The following MYCBP2 variants were observed in gnomAD, a reference collection of about 807,000 sequenced individuals.
MYCBP2 encodes the protein E3 ubiquitin-protein ligase MYCBP2.
Under a neutral mutation model 525.3 loss-of-function variants are expected in MYCBP2, and 120 were observed. The ratio of observed to expected loss-of-function variants is 0.23; its 90% CI spans 0.20 to 0.27. MYCBP2 has a LOEUF of 0.27. MYCBP2 is among the 10% of genes least tolerant of loss of function. The probability of loss-of-function intolerance (pLI) is 1.00; values close to 1 mark genes in which losing one functional copy is unlikely to be tolerated. For missense variants in MYCBP2, 4,149 were observed against 5,657.1 expected (o/e 0.73, Z 8.55); for synonymous variants, 1,894 against 1,955.8 (o/e 0.97, Z 0.83).
At chr13:77,051,456 T>G (rs2036797043) in intron 81 of MYCBP2, among the ~76,000 whole-genome samples, 1 of 152,190 alleles carries the variant, frequency 6.6e-6, no homozygotes. Context: ...CTGGTCAAAC[T>G]GAAAATTAAT....
chr13:77,147,947 T>G (rs984713385), intron 47 of MYCBP2, among the ~76,000 whole-genome samples: 1 of 152,126 alleles, frequency 6.6e-6, no homozygotes, highest in African/African-American at 2.4e-5. Context: ...GCTCTAAACC[T>G]AGGCTACTCA....
At chr13:77,124,300 T>C (rs2051274883) in intron 54 of MYCBP2, among the ~76,000 whole-genome samples, 1 of 152,152 alleles carries the variant, frequency 6.6e-6, no homozygotes, top group South Asian at 2.1e-4. Flanking sequence ...GGGAGATATC[T>C]CCAAAGATAC....
At chr13:77,051,984 T>C (rs2036911649) in intron 80 of MYCBP2, 66 bp from the exon 81 acceptor site, 6 of 1,197,230 alleles carry the variant, frequency 5.0e-6, no homozygotes, top group African/African-American at 1.5e-5. Flanking sequence ...AGATACAGTA[T>C]GGGCATAGTG....
intron 26 of MYCBP2, among the ~76,000 whole-genome samples, chr13:77,197,700 T>C (rs186269886): frequency 9.3e-5 from 14 of 150,716 alleles, no homozygotes; most frequent in African/African-American, 2.7e-4. Context: ...TACAAAGAGA[T>C]AGAAGAAAAA....
intron 8 of MYCBP2, among the ~76,000 whole-genome samples, chr13:77,264,622 A>G (rs2073817271): frequency 6.6e-6 from 1 of 152,180 alleles, no homozygotes; most frequent in Non-Finnish European, 1.5e-5. Context: ...CAAAGCAGTC[A>G]TGTATCTTGG....
At chr13:77,169,395 CAA>C (rs371575329) in intron 39 of MYCBP2, among the ~76,000 whole-genome samples, 2 of 33,786 alleles carry the variant, frequency 5.9e-5, no homozygotes, top group Admixed American at 2.7e-4. Flanking sequence ...GACTCCGTCT[CAA>C]AAAAAAAAAA....
chr13:77,221,635 C>T lies in MYCBP2; in HGVS notation c.2939+2816G>A, dbSNP rs148809166. On this transcript the variant is annotated intron_variant, in intron 20 of 82. Coordinates refer to ENST00000544440, the MANE Select transcript of MYCBP2 (RefSeq NM_015057.5). ...ATGACTGAGACCCCATCTTATCTAA[C>T]TGCAATGCACCTTTCCCAGTTTCTA... 1.0e-3 allele frequency among the ~76,000 whole-genome samples: 156 copies of T among 152,282 alleles called. 1 individual carries two copies. The highest frequency in any genetic ancestry group is 3.4e-3 in the Middle Eastern group (1 of 294).
At chr13:77,171,969 C>T (rs182415560) in intron 37 of MYCBP2, among the ~76,000 whole-genome samples, 5 of 152,234 alleles carry the variant, frequency 3.3e-5, no homozygotes, top group East Asian at 1.9e-4. Flanking sequence ...GGCATGATCT[C>T]GGCTCACTGC....
At chr13:77,060,807 ATT>A (rs2039149617) in intron 76 of MYCBP2, among the ~76,000 whole-genome samples, 1 of 152,152 alleles carries the variant, frequency 6.6e-6, no homozygotes, top group Non-Finnish European at 1.5e-5. Flanking sequence ...TAGTGCAGCA[ATT>A]TTTATTGTGG....
At chr13:77,166,650 T>A in intron 40 of MYCBP2, 96 bp from the exon 41 acceptor site, 1 of 718,180 alleles carries the variant, frequency 1.4e-6, no homozygotes, top group Non-Finnish European at 2.2e-6. Context: ...ATGCTTTTAT[T>A]AAATGACACA....
rs775140897 is a variant in MYCBP2 at position 77,126,375 on chromosome 13, A to C, written c.7827T>G (p.Leu2609=). ...CTAACATTCCAATTGGGATACCTCT[A>C]AGGTTAGGGCAGCTTCTGATGTTGT... The part of the protein sequence containing the change: ...SGHNIRSCPN[L]RGIPIGMLVL... The change falls in exon 53 of 83, where the codon CTT becomes CTG. Residue 2609 remains leucine, a synonymous_variant. Transcript: ENST00000544440. 6.2e-7 allele frequency: 1 copy of C among 1,613,918 alleles called. No homozygotes were observed. Among genetic ancestry groups the C allele is most frequent in the Non-Finnish European group, 8.5e-7 (1 of 1,179,832 alleles).
At chr13:77,271,586 T>C (rs558863858) in intron 5 of MYCBP2, among the ~76,000 whole-genome samples, 14 of 152,160 alleles carry the variant, frequency 9.2e-5, no homozygotes, top group Non-Finnish European at 5.9e-5. Flanking sequence ...GGCAAGTCTT[T>C]CCTGTGCTGT....
Position 77,326,384 on chromosome 13 carries a change from C to T in MYCBP2, c.302+90G>A. 2.3e-6 allele frequency: 3 copies of T among 1,307,312 alleles called. No individual in the cohort carries two copies. Among genetic ancestry groups the T allele is most frequent in the Non-Finnish European group, 3.1e-6 (3 of 977,672 alleles). 81.0% of individuals were successfully genotyped at this position (1,307,312 alleles called of 1,614,324 possible). ...CTCAATAAATGCGCAGGTACACACA[C>T]GCAAGCACACACACACGCGGGTGCA... On this transcript the variant is annotated intron_variant, in intron 1 of 82. Coordinates refer to ENST00000544440, the MANE Select transcript of MYCBP2 (RefSeq NM_015057.5). This position sits in a 1 kb window ranked among gnomAD's most constrained non-coding sequence, Gnocchi z 4.2.
intron 55 of MYCBP2, among the ~76,000 whole-genome samples, chr13:77,102,233 GA>G (rs1317044443): frequency 6.6e-6 from 1 of 151,504 alleles, no homozygotes; most frequent in Non-Finnish European, 1.5e-5. Flanking sequence ...CAGGTTACAT[GA>G]TACTATATGC....
chr13:77,104,177 T>G (rs900456826), intron 55 of MYCBP2, among the ~76,000 whole-genome samples: 2 of 152,004 alleles, frequency 1.3e-5, no homozygotes, highest in Admixed American at 1.3e-4. Context: ...ATTCAGGTAG[T>G]AAGGAGATAG....
chr13:77,225,511 T>G lies in MYCBP2; in HGVS notation c.2781A>C (p.Thr927=), dbSNP rs138802594. Residue 927 remains threonine (T), a synonymous_variant, in exon 19 of 83, where the codon ACA becomes ACC. Coordinates refer to ENST00000544440, the MANE Select transcript of MYCBP2 (RefSeq NM_015057.5). The part of the protein sequence containing the change: ...ERGEKDASKI[T]TYPPGSVRFD... ...ATCGCACAGAGCCTGGAGGGTATGT[T>G]GTGATTTTGCTTGCATCCTTTTCGC... is the stretch of plus-strand genomic sequence containing the variant. 42 of 1,613,686 alleles carry G rather than the reference T, an allele frequency of 2.6e-5. No homozygotes were observed. In the African/African-American group the frequency reaches 4.3e-4, roughly 16 times the overall value.
At chr13:77,280,059 A>T (rs2076030026) in intron 3 of MYCBP2, among the ~76,000 whole-genome samples, 1 of 152,186 alleles carries the variant, frequency 6.6e-6, no homozygotes, top group Admixed American at 6.5e-5. Flanking sequence ...TATTTGTTTA[A>T]TTTATTCACT....
In MYCBP2 at chr13:77,191,735, T is replaced by C; in HGVS notation, c.4014A>G (p.Ser1338=). The part of the protein sequence containing the change: ...GWWYVAWARV[S]GPSSDCGSHG... ...GAGATCCACAGTCACTGCTGGGTCC[T>C]GACACTCGGGCCCATGCCACATACC... is the stretch of plus-strand genomic sequence containing the variant. Residue 1338 remains serine (S), a synonymous_variant, in exon 28 of 83, where the codon TCA becomes TCG. Coordinates refer to ENST00000544440, the MANE Select transcript of MYCBP2 (RefSeq NM_015057.5). 1 of 1,614,052 alleles carries C rather than the reference T, an allele frequency of 6.2e-7. No homozygotes were observed. Among genetic ancestry groups the C allele is most frequent in the South Asian group, 1.1e-5 (1 of 91,076 alleles).
intron 6 of MYCBP2, 91 bp from the exon 7 acceptor site, chr13:77,270,154 T>C (rs942385878): frequency 2.8e-5 from 40 of 1,426,942 alleles, no homozygotes; most frequent in Non-Finnish European, 3.5e-5. Context: ...ATTTAATGCA[T>C]GTATTTCAAT....
Sources: gnomAD v4.1 joint callset for allele counts (sites outside exome capture counted in the v4.1 genomes callset) on GRCh38, gnomAD v4.1.1 for gene constraint, Gnocchi (gnomAD v3.1) non-coding constraint, MANE v1.5 for transcripts, NCBI Gene and HGNC (gene_info 2026-07-23, HGNC 2026-07-21) for gene names.